DPYD: variants seen among roughly 807,000 people sequenced by gnomAD.
DPYD encodes the protein dihydropyrimidine dehydrogenase [NADP(+)].
DPYD carries 109 observed loss-of-function variants against 116.2 expected under a neutral mutation model. The observed-to-expected ratio is 0.94, with a 90% CI of 0.80 to 1.10. The LOEUF (loss-of-function observed/expected upper bound fraction) is 1.10, where lower values mean the gene tolerates loss of function less well. Ranked by LOEUF, DPYD falls within the 50% of genes least tolerant of loss-of-function variation. The probability of loss-of-function intolerance (pLI) is 0.00; values close to 1 mark genes in which losing one functional copy is unlikely to be tolerated. For synonymous variants in DPYD, 440 were observed against 432.0 expected (o/e 1.02, Z -0.23); for missense variants, 1,302 against 1,254.5 (o/e 1.04, Z -0.57).
intron 1 of DPYD, among the ~76,000 whole-genome samples, chr1:97,898,211 T>C (rs1423765361): frequency 6.6e-6 from 1 of 151,522 alleles, no homozygotes; most frequent in Non-Finnish European, 1.5e-5. Flanking sequence ...GACTGTTCTT[T>C]ACGCAGCCAT....
At chr1:97,817,235 T>C (rs552435208) in intron 3 of DPYD, among the ~76,000 whole-genome samples, 3 of 152,238 alleles carry the variant, frequency 2.0e-5, no homozygotes, top group African/African-American at 7.2e-5. Context: ...ATCTGGCCTT[T>C]TACAATAAAA....
At chr1:97,297,018 C>T (rs1032417109) in intron 18 of DPYD, among the ~76,000 whole-genome samples, 2 of 152,064 alleles carry the variant, frequency 1.3e-5, no homozygotes, top group African/African-American at 2.4e-5. Flanking sequence ...GAACTTACTG[C>T]TAAAATTCTC....
intron 13 of DPYD, among the ~76,000 whole-genome samples, chr1:97,464,373 A>G (rs966013869): frequency 6.6e-6 from 1 of 152,250 alleles, no homozygotes; most frequent in Non-Finnish European, 1.5e-5. Flanking sequence ...AGAAATTTGC[A>G]TAAGTAACGA....
At chr1:97,717,554 C>T (rs1389276371) in intron 5 of DPYD, among the ~76,000 whole-genome samples, 1 of 151,972 alleles carries the variant, frequency 6.6e-6, no homozygotes, top group Non-Finnish European at 1.5e-5. Flanking sequence ...AAGTAGTGTA[C>T]ACTGTACCCA....
chr1:97,742,370 T>A (rs990159969), intron 3 of DPYD, among the ~76,000 whole-genome samples: 2 of 152,128 alleles, frequency 1.3e-5, no homozygotes, highest in Non-Finnish European at 1.5e-5. Context: ...CTGATCTCTT[T>A]TCTCTGGTTT....
intron 13 of DPYD, among the ~76,000 whole-genome samples, chr1:97,480,765 G>A (rs1045267475): frequency 5.3e-5 from 8 of 152,178 alleles, no homozygotes; most frequent in African/African-American, 1.7e-4. Context: ...CAGATCACCT[G>A]AGGTCAGGAG....
intron 14 of DPYD, among the ~76,000 whole-genome samples, chr1:97,409,547 G>C (rs907270822): frequency 6.6e-6 from 1 of 152,174 alleles, no homozygotes; most frequent in African/African-American, 2.4e-5. Flanking sequence ...TAAATGCAAT[G>C]CTTTAAAAAG....
chr1:97,775,576 T>G (rs932190280), intron 3 of DPYD, among the ~76,000 whole-genome samples: 2 of 152,156 alleles, frequency 1.3e-5, no homozygotes, highest in Non-Finnish European at 2.9e-5. Flanking sequence ...AACTTTCTCT[T>G]TGGGGTATAC....
intron 18 of DPYD, among the ~76,000 whole-genome samples, chr1:97,299,316 C>A (rs528560854): frequency 2.2e-4 from 33 of 152,240 alleles, no homozygotes; most frequent in African/African-American, 7.9e-4. Flanking sequence ...TTTAATAATT[C>A]ATTACCACTG....
intron 3 of DPYD, among the ~76,000 whole-genome samples, chr1:97,755,304 T>C (rs1456664519): frequency 1.3e-5 from 2 of 152,158 alleles, no homozygotes; most frequent in Non-Finnish European, 2.9e-5. Context: ...GGCAGGCTGC[T>C]TCCCTGAATC....
At position 97,547,021 on chromosome 1, in the gene DPYD, G is replaced by A. The variant is rs1650926943; in HGVS notation, c.1524+2539C>T. The A allele has an allele frequency of 2.0e-6, 3 of 1,468,046 alleles. No individual in the cohort carries two copies. The Admixed American group carries it at 5.0e-5, about 25-fold the overall frequency. 90.9% of individuals were successfully genotyped at this position (1,468,046 alleles called of 1,614,324 possible). A position where few individuals can be genotyped will look rare whatever the true frequency, so the allele number is the denominator to read the frequency against. ...ATATTTGCAATTTTTTGCTGTTTTG[G>A]AAGTTTATCATAAACCAGAAACAGT... On this transcript the variant is annotated intron_variant, in intron 12 of 22. Coordinates refer to ENST00000370192, the MANE Select transcript of DPYD (RefSeq NM_000110.4).
At chr1:97,821,849 C>T (rs1321255733) in intron 3 of DPYD, among the ~76,000 whole-genome samples, 1 of 151,906 alleles carries the variant, frequency 6.6e-6, no homozygotes, top group Non-Finnish European at 1.5e-5. Context: ...TATTAATTTT[C>T]ATAAATTACA....
At chr1:97,887,745 G>A (rs1672578801) in intron 1 of DPYD, among the ~76,000 whole-genome samples, 1 of 151,926 alleles carries the variant, frequency 6.6e-6, no homozygotes, top group Admixed American at 6.6e-5. Context: ...ATCTCATCTT[G>A]AATTGTAGTT....
intron 8 of DPYD, among the ~76,000 whole-genome samples, chr1:97,671,403 T>G (rs1659852786): frequency 6.6e-6 from 1 of 152,146 alleles, no homozygotes; most frequent in South Asian, 2.1e-4. Context: ...AGCACAGTAA[T>G]GTAATACTTG....
intron 18 of DPYD, among the ~76,000 whole-genome samples, chr1:97,293,726 G>A (rs1470963162): frequency 6.6e-6 from 1 of 152,176 alleles, no homozygotes; most frequent in Non-Finnish European, 1.5e-5. Flanking sequence ...TGGATCACCT[G>A]AGGTCAGGAG....
At chr1:97,870,239 C>T (rs1213411528) in intron 2 of DPYD, among the ~76,000 whole-genome samples, 5 of 151,738 alleles carry the variant, frequency 3.3e-5, no homozygotes, top group African/African-American at 1.2e-4. Flanking sequence ...CATTCTGTCT[C>T]ACTAATGACT....
At chr1:97,158,040 C>T (rs189451569) in intron 20 of DPYD, among the ~76,000 whole-genome samples, 3 of 152,146 alleles carry the variant, frequency 2.0e-5, no homozygotes, top group Non-Finnish European at 2.9e-5. Flanking sequence ...AAATGTTTTA[C>T]TTCATTCCTC....
At chr1:97,743,739 C>T (rs1377557825) in intron 3 of DPYD, among the ~76,000 whole-genome samples, 2 of 152,070 alleles carry the variant, frequency 1.3e-5, no homozygotes, top group African/African-American at 4.8e-5. Flanking sequence ...AATATGTCAA[C>T]AATTATCGTA....
At chr1:97,147,087 C>T (rs150927589) in intron 20 of DPYD, among the ~76,000 whole-genome samples, 2,935 of 152,266 alleles carry the variant, frequency 0.019, 90 homozygotes, top group African/African-American at 0.067. Flanking sequence ...CAGTGGCTCA[C>T]GCCTGTAATC....
Sources: gnomAD v4.1 joint callset for allele counts (sites outside exome capture counted in the v4.1 genomes callset) on GRCh38, gnomAD v4.1.1 for gene constraint, MANE v1.5 for transcripts, NCBI Gene and HGNC (gene_info 2026-07-23, HGNC 2026-07-21) for gene names.